SH3RF3: variants seen among roughly 807,000 people sequenced by gnomAD.
SH3RF3 encodes E3 ubiquitin-protein ligase SH3RF3.
Under a neutral mutation model 66.3 loss-of-function variants are expected in SH3RF3, and 29 were observed. The observed-to-expected ratio is 0.44, with a 90% CI of 0.33 to 0.60. The LOEUF (loss-of-function observed/expected upper bound fraction) is 0.60. SH3RF3 is among the 20% of genes least tolerant of loss of function. The pLI, the probability that SH3RF3 is intolerant of heterozygous loss-of-function variation, is 0.04. For missense variants in SH3RF3, 1,194 were observed against 1,190.9 expected (o/e 1.00, Z -0.04); for synonymous variants, 583 against 532.0 (o/e 1.10, Z -1.32).
chr2:109,461,398 C>G (rs550302872), intron 8 of SH3RF3, among the ~76,000 whole-genome samples: 12 of 152,008 alleles, frequency 7.9e-5, no homozygotes, highest in Middle Eastern at 3.4e-3. Context: ...CGGTGATCCA[C>G]CTGCCAAAGG....
chr2:109,272,317 G>A (rs937305202), intron 1 of SH3RF3, among the ~76,000 whole-genome samples: 1 of 152,192 alleles, frequency 6.6e-6, no homozygotes, highest in South Asian at 2.1e-4. Context: ...ATCCCCTGAG[G>A]GTACCTCTGA....
At chr2:109,417,469 C>T (rs1255991093) in intron 4 of SH3RF3, among the ~76,000 whole-genome samples, 1 of 152,212 alleles carries the variant, frequency 6.6e-6, no homozygotes, top group Non-Finnish European at 1.5e-5. Context: ...CCTTCCAGCC[C>T]TGTTCTCACA....
chr2:109,134,776 C>T (rs1676780202), intron 1 of SH3RF3, among the ~76,000 whole-genome samples: 1 of 152,278 alleles, frequency 6.6e-6, no homozygotes, highest in Non-Finnish European at 1.5e-5. Flanking sequence ...CAGTGGCCAC[C>T]CCTTCCATTC....
intron 1 of SH3RF3, among the ~76,000 whole-genome samples, chr2:109,251,852 A>G (rs1680099189): frequency 1.3e-5 from 2 of 152,242 alleles, no homozygotes; most frequent in South Asian, 4.1e-4. Context: ...CCTTTAAAGT[A>G]CATAATGAGT....
At chr2:109,496,611 G>C (rs539620344) in intron 9 of SH3RF3, among the ~76,000 whole-genome samples, 1 of 152,170 alleles carries the variant, frequency 6.6e-6, no homozygotes, top group Admixed American at 6.5e-5. Context: ...TGTTCACATC[G>C]GATCAGCTCA....
At chr2:109,500,556 G>A (rs1679362679) in intron 9 of SH3RF3, among the ~76,000 whole-genome samples, 1 of 152,190 alleles carries the variant, frequency 6.6e-6, no homozygotes, top group African/African-American at 2.4e-5. Context: ...AATGAGATGT[G>A]GGGAAAGTTG....
intron 1 of SH3RF3, among the ~76,000 whole-genome samples, chr2:109,246,816 A>G (rs566794761): frequency 1.3e-5 from 2 of 152,286 alleles, no homozygotes; most frequent in African/African-American, 4.8e-5. Flanking sequence ...CGGATGCCCT[A>G]GCTCATCCAC....
chr2:109,286,124 G>A (rs1299044842), intron 1 of SH3RF3, among the ~76,000 whole-genome samples: 1 of 152,278 alleles, frequency 6.6e-6, no homozygotes, highest in East Asian at 1.9e-4. Flanking sequence ...GACCCTGCAG[G>A]CCTGGTGCTT....
chr2:109,468,298 C>T (rs1678411585), intron 8 of SH3RF3, among the ~76,000 whole-genome samples: 1 of 152,180 alleles, frequency 6.6e-6, no homozygotes, highest in Non-Finnish European at 1.5e-5. Flanking sequence ...GCGGCAAGTA[C>T]CGTGTGTCTA....
intron 8 of SH3RF3, among the ~76,000 whole-genome samples, chr2:109,456,441 G>T (rs748298016): frequency 6.6e-6 from 1 of 152,234 alleles, no homozygotes; most frequent in Non-Finnish European, 1.5e-5. Context: ...GGCATAAACT[G>T]CTGGAGCATC....
chr2:109,201,311 C>CA (rs1344345980), intron 1 of SH3RF3, among the ~76,000 whole-genome samples: 11 of 152,244 alleles, frequency 7.2e-5, no homozygotes, highest in African/African-American at 2.4e-4. Flanking sequence ...CCCACTCTCC[C>CA]ACAGGCCTCC....
intron 1 of SH3RF3, among the ~76,000 whole-genome samples, chr2:109,340,938 A>C (rs1284288228): frequency 6.6e-6 from 1 of 152,224 alleles, no homozygotes; most frequent in Non-Finnish European, 1.5e-5. Flanking sequence ...AATCCTCTCC[A>C]ATCTGGCTGC....
chr2:109,387,573 TCTC>T (rs1393924979), intron 3 of SH3RF3, among the ~76,000 whole-genome samples: 1 of 151,944 alleles, frequency 6.6e-6, no homozygotes, highest in Non-Finnish European at 1.5e-5. Context: ...CCCTCCCACA[TCTC>T]CTCAAGGTCT....
intron 1 of SH3RF3, among the ~76,000 whole-genome samples, chr2:109,325,548 GC>G (rs1481595231): frequency 6.6e-6 from 1 of 151,984 alleles, no homozygotes; most frequent in East Asian, 1.9e-4. Context: ...CAGTGACACA[GC>G]CCCTTTACAA....
rs145934124 is a variant in SH3RF3, at chr2:109,298,150, G to A, written c.574-49524G>A. On this transcript the variant is annotated intron_variant, in intron 1 of 9. Coordinates refer to ENST00000309415, the MANE Select transcript of SH3RF3 (RefSeq NM_001099289.3). The stretch of plus-strand genomic sequence containing the variant: ...GGGCATTGTGGCAGTAGCCAAGGGC[G>A]GGTGGATGGCCCAGCTGGTAGAAGT... Among the ~76,000 whole-genome samples the A allele has an allele frequency of 9.7e-3, 1,472 of 152,324 alleles. 26 individuals carry two copies. Among genetic ancestry groups the A allele is most frequent in the African/African-American group, 0.034 (1,393 of 41,568 alleles).
chr2:109,377,301 G>A (rs1013971799), intron 3 of SH3RF3, among the ~76,000 whole-genome samples: 5 of 152,334 alleles, frequency 3.3e-5, no homozygotes, highest in East Asian at 3.9e-4. Flanking sequence ...GCTGGAGCAC[G>A]TGGTGAGCAA....
intron 1 of SH3RF3, among the ~76,000 whole-genome samples, chr2:109,241,441 C>T (rs1438684922): frequency 2.6e-5 from 4 of 152,128 alleles, no homozygotes; most frequent in Non-Finnish European, 5.9e-5. Flanking sequence ...GGAAGAAATA[C>T]TTTAGGAATG....
At chr2:109,467,197 C>T (rs932789858) in intron 8 of SH3RF3, among the ~76,000 whole-genome samples, 1 of 152,266 alleles carries the variant, frequency 6.6e-6, no homozygotes, top group Non-Finnish European at 1.5e-5. Context: ...GGATCCGTAG[C>T]AGCTTTATTT....
At chr2:109,375,249 G>A (rs1047677996) in intron 3 of SH3RF3, among the ~76,000 whole-genome samples, 6 of 152,194 alleles carry the variant, frequency 3.9e-5, no homozygotes, top group African/African-American at 1.4e-4. Flanking sequence ...TCCAGCCACC[G>A]TCCCATGCCC....
Sources: allele counts gnomAD v4.1 joint callset (sites outside exome capture counted in the v4.1 genomes callset), GRCh38; gene constraint gnomAD v4.1.1; transcripts MANE v1.5; gene names NCBI Gene and HGNC (gene_info 2026-07-23, HGNC 2026-07-21).